The following CCDC138 variants were observed in gnomAD, a reference collection of about 807,000 sequenced individuals.
CCDC138 encodes the protein coiled-coil domain containing 138, also known as coiled-coil domain-containing protein 138.
In CCDC138, 66 loss-of-function variants were observed where a neutral mutation model predicts 82.3. The observed-to-expected ratio is 0.80, with a 90% CI of 0.66 to 0.98. CCDC138 has a LOEUF of 0.98. CCDC138 is among the 50% of genes least tolerant of loss of function. CCDC138 has a pLI of 0.00. For missense variants in CCDC138, 816 were observed against 758.9 expected (o/e 1.08, Z -0.88); for synonymous variants, 297 against 265.4 (o/e 1.12, Z -1.16).
rs73952517 is a variant in CCDC138, at chr2:108,803,514, C to T, written c.736-1375C>T. The stretch of plus-strand genomic sequence containing the variant: ...CTGGAGCGCAGTGGCTATGCACAGA[C>T]GTCATCATAGCTCACTGCACCCTCA... On this transcript the variant is annotated intron_variant, in intron 6 of 14. Coordinates refer to ENST00000295124, the MANE Select transcript of CCDC138 (RefSeq NM_144978.3). 4.1e-3 allele frequency among the ~76,000 whole-genome samples: 631 copies of T among 152,286 alleles called. 8 individuals carry two copies. Among genetic ancestry groups the T allele is most frequent in the African/African-American group, 0.015 (610 of 41,570 alleles).
intron 12 of CCDC138, among the ~76,000 whole-genome samples, chr2:108,848,079 A>G (rs1356698002): frequency 6.6e-6 from 1 of 152,236 alleles, no homozygotes; most frequent in Non-Finnish European, 1.5e-5. Flanking sequence ...ACATTAAAGC[A>G]TAGATTCACT....
chr2:108,861,676 TCAC>T (rs1235640800), intron 13 of CCDC138, among the ~76,000 whole-genome samples: 2 of 152,074 alleles, frequency 1.3e-5, no homozygotes, highest in African/African-American at 4.8e-5. Context: ...AGACAGGGTT[TCAC>T]CATATTGGCC....
At chr2:108,837,758 C>T (rs967817939) in intron 10 of CCDC138, among the ~76,000 whole-genome samples, 1 of 152,130 alleles carries the variant, frequency 6.6e-6, no homozygotes, top group Non-Finnish European at 1.5e-5. Context: ...TAGAGTGTAT[C>T]TCTGTCATTA....
Position 108,786,880 on chromosome 2 carries a change from A to C in CCDC138, c.58A>C (p.Ser20Arg). ...GQDLVVESLK[S>R]RYGLGGSCPD... Reference sequence around the variant, plus strand: ...GGATTTAGTAGTGGAGAGTCTCAAAAGCCGCTACGGACTCGGGGGCAGCTG... The same window carrying C: ...GGATTTAGTAGTGGAGAGTCTCAAACGCCGCTACGGACTCGGGGGCAGCTG... The change falls in exon 1 of 15, where the codon AGC (serine) becomes CGC (arginine). Residue 20 changes from serine to arginine, a missense_variant. Physicochemically the swap from Ser to Arg is moderately radical, Grantham distance 110. Coordinates refer to ENST00000295124, the MANE Select transcript of CCDC138 (RefSeq NM_144978.3). The C allele has an allele frequency of 6.4e-7, 1 of 1,571,702 alleles. No individual in the cohort carries two copies.
rs150131059 is a variant in CCDC138, at chr2:108,869,179, A to G, written c.1694-4272A>G. Reference sequence around the variant, plus strand: ...CCAAATAAATAGCTACAGACAGACTAAAATAACTTTGTAGGAACTATGGAA... The same window carrying G: ...CCAAATAAATAGCTACAGACAGACTGAAATAACTTTGTAGGAACTATGGAA... On this transcript the variant is annotated intron_variant, in intron 13 of 14. Coordinates refer to ENST00000295124, the MANE Select transcript of CCDC138 (RefSeq NM_144978.3). 6.9e-4 allele frequency among the ~76,000 whole-genome samples: 105 copies of G among 152,282 alleles called. 1 individual carries two copies. The highest frequency in any genetic ancestry group is 2.5e-3 in the African/African-American group (105 of 41,560).
At chr2:108,802,722 A>G (rs1044972019) in intron 6 of CCDC138, among the ~76,000 whole-genome samples, 1 of 147,886 alleles carries the variant, frequency 6.8e-6, no homozygotes, top group Non-Finnish European at 1.5e-5. Context: ...TTCAAAGGGA[A>G]TGCTTCCAGT....
At chr2:108,792,637 C>G (rs997025804) in intron 4 of CCDC138, among the ~76,000 whole-genome samples, 9 of 152,228 alleles carry the variant, frequency 5.9e-5, no homozygotes, top group Non-Finnish European at 1.2e-4. Context: ...TGAAGTGAAG[C>G]TTTTCATTTT....
intron 12 of CCDC138, among the ~76,000 whole-genome samples, chr2:108,853,985 TATATAATAAATTTATATTATATATA>T (rs1191771086): frequency 9.5e-5 from 1 of 10,558 alleles, no homozygotes; most frequent in Non-Finnish European, 3.4e-4. Flanking sequence ...TAATATATAA[TATATAATAAATTTATATTATATATA>T]ATATATAATA....
At chr2:108,849,989 A>G (rs1362611224) in intron 12 of CCDC138, among the ~76,000 whole-genome samples, 1 of 152,250 alleles carries the variant, frequency 6.6e-6, no homozygotes, top group Non-Finnish European at 1.5e-5. Context: ...TGCATGGGCC[A>G]GTGAATACAA....
At chr2:108,858,361 CA>C (rs139044517) in intron 13 of CCDC138, among the ~76,000 whole-genome samples, 1 of 151,416 alleles carries the variant, frequency 6.6e-6, no homozygotes, top group Non-Finnish European at 1.5e-5. Context: ...AACAAACAAA[CA>C]AAAAAAACAC....
intron 12 of CCDC138, among the ~76,000 whole-genome samples, chr2:108,853,426 T>C (rs1574233524): frequency 6.6e-6 from 1 of 152,156 alleles, no homozygotes; most frequent in East Asian, 1.9e-4. Context: ...GTATTTTAAT[T>C]AATAAAACCT....
Position 108,786,914 on chromosome 2 carries a change from A to T in CCDC138, c.92A>T (p.Glu31Val). ...RYGLGGSCPD[E>V]YDFSNFYQSK... ...GGACTCGGGGGCAGCTGCCCCGACG[A>T]GGTGAAGCCGCCGCCTGAGGTCCGC... The change falls in exon 1 of 15, where the codon GAG becomes GTG. Residue 31 changes from glutamate to valine, a missense_variant and splice_region_variant. Transcript: ENST00000295124. The T allele has an allele frequency of 6.6e-7, 1 of 1,525,336 alleles. No homozygotes were observed. The highest frequency in any genetic ancestry group is 8.8e-7 in the Non-Finnish European group (1 of 1,137,878). The allele number at this position is 1,525,336 out of a possible 1,614,324, so 94.5% of individuals were successfully genotyped here.
rs373684179 is a variant in CCDC138, at chr2:108,815,954, G to A, written c.1055G>A (p.Gly352Glu). The A allele has an allele frequency of 2.4e-5, 38 of 1,608,404 alleles. No individual in the cohort carries two copies. Among genetic ancestry groups the A allele is most frequent in the Non-Finnish European group, 3.1e-5 (37 of 1,178,162 alleles). ...VSKTYKVPLN[G>E]QVYELLTVFM... ...TTTGACATATAGGTACCACTTAATG[G>A]GCAAGTTTATGAACTTTTAACTGTC... The change falls in exon 10 of 15, where the codon GGG (glycine) becomes GAG (glutamate). Residue 352 changes from glycine (G) to glutamate (E), a missense_variant. Physicochemically the swap from Gly to Glu is moderately conservative, Grantham distance 98. Transcript: ENST00000295124.
At chr2:108,799,067 G>A (rs1257777911) in intron 6 of CCDC138, among the ~76,000 whole-genome samples, 1 of 152,028 alleles carries the variant, frequency 6.6e-6, no homozygotes, top group African/African-American at 2.4e-5. Flanking sequence ...GGGGTTGTTT[G>A]TTTGATCAAG....
chr2:108,858,462 A>C (rs1692998526), intron 13 of CCDC138, among the ~76,000 whole-genome samples: 1 of 152,196 alleles, frequency 6.6e-6, no homozygotes, highest in African/African-American at 2.4e-5. Context: ...AGTGATGCGA[A>C]AATTTTGGAA....
chr2:108,832,053 G>A (rs534367909), intron 10 of CCDC138, among the ~76,000 whole-genome samples: 1 of 148,654 alleles, frequency 6.7e-6, no homozygotes, highest in Non-Finnish European at 1.5e-5. Context: ...TTTTTGAAAT[G>A]GAGTCTCACT....
At chr2:108,862,140 A>G (rs1228039240) in intron 13 of CCDC138, among the ~76,000 whole-genome samples, 1 of 148,010 alleles carries the variant, frequency 6.8e-6, no homozygotes, top group Non-Finnish European at 1.5e-5. Context: ...AGTATGTTTC[A>G]CATGCAGATG....
intron 10 of CCDC138, among the ~76,000 whole-genome samples, chr2:108,831,334 C>T (rs942398694): frequency 3.9e-5 from 6 of 152,250 alleles, no homozygotes; most frequent in Admixed American, 6.5e-5. Flanking sequence ...CTACTACTGC[C>T]ACCCTATGAA....
In CCDC138 at chr2:108,798,474, G is replaced by A. The variant is rs1223541116; in HGVS notation, c.623G>A (p.Arg208Gln). 1.5e-5 allele frequency: 25 copies of A among 1,613,738 alleles called. No homozygotes were observed. The highest frequency in any genetic ancestry group is 2.2e-5 in the East Asian group (1 of 44,864). ...AAATTTGCTGAAGAACTTCAAAAGC[G>A]AGAACGTTTTTTACTTGAAAGAGAA... Reference protein sequence around the residue: ...QQKFAEELQKRERFLLEREQL... With the variant: ...QQKFAEELQKQERFLLEREQL... The change falls in exon 6 of 15, where the codon CGA becomes CAA. Residue 208 changes from arginine to glutamine, a missense_variant. By Grantham distance (43) the Arg-to-Gln change is conservative. Coordinates refer to ENST00000295124, the MANE Select transcript of CCDC138 (RefSeq NM_144978.3).
Sources: gnomAD v4.1 joint callset for allele counts (sites outside exome capture counted in the v4.1 genomes callset) on GRCh38, gnomAD v4.1.1 for gene constraint, MANE v1.5 for transcripts, NCBI Gene and HGNC (gene_info 2026-07-23, HGNC 2026-07-21) for gene names.